The following LDHC variants were observed in gnomAD, a reference collection of about 807,000 sequenced individuals.
LDHC encodes the protein L-lactate dehydrogenase C chain.
In LDHC, 20 loss-of-function variants were observed where a neutral mutation model predicts 30.2. That is an observed-to-expected ratio of 0.66 (90% confidence interval 0.47 to 0.96). LDHC has a LOEUF of 0.96. LDHC is among the 40% of genes least tolerant of loss of function. LDHC has a pLI of 0.00. For synonymous variants in LDHC, 139 were observed against 132.7 expected, an observed-to-expected ratio of 1.05 and a Z score of -0.32; for missense variants, 362 against 394.9, an observed-to-expected ratio of 0.92 and a Z score of 0.71.
At chr11:18,445,622 AT>A (rs1479287484) in intron 6 of LDHC, among the ~76,000 whole-genome samples, 1 of 152,156 alleles carries the variant, frequency 6.6e-6, no homozygotes, top group African/African-American at 2.4e-5. Flanking sequence ...TGAGTGGCAC[AT>A]TTGTCCTAGT....
chr11:18,433,091 T>G (rs1848296739), intron 4 of LDHC, among the ~76,000 whole-genome samples: 2 of 152,064 alleles, frequency 1.3e-5, no homozygotes, highest in Admixed American at 1.3e-4. Flanking sequence ...ATTTATGCTT[T>G]AAGGAAGTTC....
chr11:18,436,490 T>TG (rs1848356675), intron 5 of LDHC, among the ~76,000 whole-genome samples: 1 of 146,524 alleles, frequency 6.8e-6, no homozygotes, highest in South Asian at 2.2e-4. Context: ...AGTTTTTTTT[T>TG]TTTTTTTTTT....
intron 3 of LDHC, among the ~76,000 whole-genome samples, chr11:18,423,190 A>G (rs2056783): frequency 0.15 from 22,646 of 151,800 alleles, 1,844 homozygotes; most frequent in African/African-American, 0.21. Context: ...GCCAGGCGTG[A>G]TGGCACACAC....
intron 3 of LDHC, among the ~76,000 whole-genome samples, chr11:18,418,155 T>G (rs1867056299): frequency 6.6e-6 from 1 of 151,662 alleles, no homozygotes; most frequent in Admixed American, 6.6e-5. Flanking sequence ...ATGTTGAATG[T>G]GGTGTTTACC....
chr11:18,424,883 C>T (rs1848133938), intron 3 of LDHC, among the ~76,000 whole-genome samples: 1 of 152,114 alleles, frequency 6.6e-6, no homozygotes, highest in Non-Finnish European at 1.5e-5. Context: ...TGGCACGTGC[C>T]TGTAATTCCA....
intron 2 of LDHC, 39 bp downstream of exon 2, chr11:18,412,882 A>G: frequency 6.3e-7 from 1 of 1,596,800 alleles, no homozygotes; most frequent in South Asian, 1.1e-5. Flanking sequence ...AAATCAAGTG[A>G]GCACTTCAGA....
intron 5 of LDHC, 58 bp downstream of exon 5, chr11:18,434,971 T>C (rs1221963089): frequency 1.7e-6 from 2 of 1,195,852 alleles, no homozygotes; most frequent in East Asian, 2.5e-5. Flanking sequence ...CTAGTGCTTA[T>C]TTCCTTTAAA....
At chr11:18,416,780 C>T (rs980770548) in intron 3 of LDHC, among the ~76,000 whole-genome samples, 1 of 150,706 alleles carries the variant, frequency 6.6e-6, no homozygotes, top group African/African-American at 2.4e-5. Flanking sequence ...CTTCCCCTTT[C>T]CCCCTCTGAT....
chr11:18,440,652 G>A (rs1848448477), intron 6 of LDHC, among the ~76,000 whole-genome samples: 1 of 152,110 alleles, frequency 6.6e-6, no homozygotes, highest in South Asian at 2.1e-4. Context: ...GTTAAGGCTG[G>A]GTGCAGTGGC....
chr11:18,425,849 G>T (rs1446116259), intron 3 of LDHC, among the ~76,000 whole-genome samples: 1 of 151,866 alleles, frequency 6.6e-6, no homozygotes, highest in Non-Finnish European at 1.5e-5. Context: ...GCTGAGGCAG[G>T]AGAATGGCAT....
At chr11:18,428,711 C>T (rs1350399281) in intron 3 of LDHC, among the ~76,000 whole-genome samples, 2 of 151,694 alleles carry the variant, frequency 1.3e-5, no homozygotes, top group African/African-American at 4.8e-5. Context: ...CCCGTCTCTA[C>T]CAAAAAATAA....
chr11:18,429,116 CTTTTTTTT>C (rs36038254), intron 3 of LDHC, among the ~76,000 whole-genome samples: 3 of 93,914 alleles, frequency 3.2e-5, no homozygotes, highest in African/African-American at 1.2e-4. Flanking sequence ...TCATTTTGGT[CTTTTTTTT>C]TTTTTTTTTT....
intron 4 of LDHC, among the ~76,000 whole-genome samples, chr11:18,434,006 T>C (rs575947710): frequency 1.1e-4 from 16 of 152,220 alleles, no homozygotes; most frequent in Non-Finnish European, 1.8e-4. Flanking sequence ...TATCTTCTTA[T>C]TCTTTTTCTT....
intron 4 of LDHC, 49 bp from the exon 5 acceptor site, chr11:18,434,691 T>C (rs368812955): frequency 7.9e-7 from 1 of 1,263,482 alleles, no homozygotes; most frequent in South Asian, 1.3e-5. Flanking sequence ...AAAAAAAATT[T>C]TTTTAAGTTA....
chr11:18,422,048 CG>C (rs1469802353), intron 3 of LDHC, among the ~76,000 whole-genome samples: 2 of 151,682 alleles, frequency 1.3e-5, no homozygotes, highest in African/African-American at 2.4e-5. Flanking sequence ...CACTTCAACC[CG>C]GCAGGTGGAG....
chr11:18,427,604 A>G (rs1436972617), intron 3 of LDHC, among the ~76,000 whole-genome samples: 1 of 152,162 alleles, frequency 6.6e-6, no homozygotes, highest in African/African-American at 2.4e-5. Context: ...TGATGGCATT[A>G]ACAGGATCAG....
intron 3 of LDHC, among the ~76,000 whole-genome samples, chr11:18,415,931 G>A (rs534985669): frequency 5.9e-5 from 9 of 152,178 alleles, no homozygotes; most frequent in Admixed American, 2.6e-4. Flanking sequence ...CTGACTTCAG[G>A]TGATCCACTT....
chr11:18,414,062 G>A (rs1185369198), intron 2 of LDHC, among the ~76,000 whole-genome samples: 1 of 152,224 alleles, frequency 6.6e-6, no homozygotes, highest in African/African-American at 2.4e-5. Context: ...TGGTGGTAAA[G>A]ATGGCTGTAC....
rs1454352044 is a variant in LDHC at position 18,434,902 on chromosome 11, G to A, written c.581G>A (p.Gly194Asp). 1.2e-6 allele frequency: 2 copies of A among 1,609,522 alleles called. No homozygotes were observed. The highest frequency in any genetic ancestry group is 4.5e-5 in the East Asian group (2 of 44,862). The change falls in exon 5 of 8, where the codon GGT becomes GAT. Residue 194 changes from glycine to aspartate, a missense_variant. Gly to Asp is a moderately conservative substitution (Grantham distance 94). Coordinates refer to ENST00000541669, the MANE Select transcript of LDHC (RefSeq NM_017448.5). ...SCHGWIIGEH[G>D]DSSVPLWSGV... ...CATGGTTGGATTATTGGAGAACATG[G>A]TGATTCTAGTGGTAAGTATAAATCT...
Sources: allele counts gnomAD v4.1 joint callset (sites outside exome capture counted in the v4.1 genomes callset), GRCh38; gene constraint gnomAD v4.1.1; transcripts MANE v1.5; gene names NCBI Gene and HGNC (gene_info 2026-07-23, HGNC 2026-07-21).